The following TRIM24 variants were observed in gnomAD, a reference collection of about 807,000 sequenced individuals.
TRIM24 encodes tripartite motif containing 24, also known as transcription intermediary factor 1-alpha.
Under a neutral mutation model 123.9 loss-of-function variants are expected in TRIM24, and 29 were observed. The observed-to-expected ratio is 0.23, with a 90% CI of 0.17 to 0.32. The LOEUF is 0.32. Ranked by LOEUF, TRIM24 falls within the 10% of genes least tolerant of loss-of-function variation. The probability of loss-of-function intolerance (pLI) is 1.00; values close to 1 mark genes in which losing one functional copy is unlikely to be tolerated. For missense variants in TRIM24, 932 were observed against 1,295.3 expected, an observed-to-expected ratio of 0.72 and a Z score of 4.31; for synonymous variants, 456 against 461.1, an observed-to-expected ratio of 0.99 and a Z score of 0.14.
intron 2 of TRIM24, among the ~76,000 whole-genome samples, chr7:138,505,754 A>G (rs1260309623): frequency 2.0e-5 from 3 of 152,192 alleles, no homozygotes; most frequent in Admixed American, 6.5e-5. Flanking sequence ...TAGAGATCCA[A>G]TGGTGTTTTT....
At chr7:138,536,855 G>C (rs1487834341) in intron 6 of TRIM24, among the ~76,000 whole-genome samples, 1 of 152,216 alleles carries the variant, frequency 6.6e-6, no homozygotes, top group East Asian at 1.9e-4. Context: ...AGCTGCAGCG[G>C]GCTCCACCCA....
intron 12 of TRIM24, 52 bp from the exon 13 acceptor site, chr7:138,576,321 C>G (rs373461686): frequency 9.3e-5 from 141 of 1,512,304 alleles, no homozygotes; most frequent in Admixed American, 5.0e-4. Context: ...AACAGGACTT[C>G]AATGCATAAT....
At chr7:138,584,091 G>A (rs1328180128) in intron 18 of TRIM24, 92 bp downstream of exon 18, 4 of 1,388,676 alleles carry the variant, frequency 2.9e-6, no homozygotes, top group Admixed American at 2.7e-5. Context: ...AGACCAAGAT[G>A]TCTGAGTTAG....
chr7:138,583,038 T>C (rs906584327), intron 17 of TRIM24, among the ~76,000 whole-genome samples: 3 of 152,222 alleles, frequency 2.0e-5, no homozygotes, highest in Non-Finnish European at 2.9e-5. Flanking sequence ...TTAATAAATA[T>C]CATCTCATTT....
chr7:138,465,232 G>A (rs746669205), intron 1 of TRIM24, among the ~76,000 whole-genome samples: 2 of 152,172 alleles, frequency 1.3e-5, no homozygotes, highest in African/African-American at 2.4e-5. Context: ...GAAGGAATGA[G>A]GGTGAATGAC....
rs555544751 is a variant in TRIM24, at chr7:138,554,570, G to A, written c.1262-128G>A. ...CTGTTTGGGGGTTCTCTTTCAGAGTGTTAAAGGGCTCATGAGATCAGAGAA... is the reference window on the plus strand; with the variant it reads ...CTGTTTGGGGGTTCTCTTTCAGAGTATTAAAGGGCTCATGAGATCAGAGAA... On this transcript the variant is annotated intron_variant, in intron 8 of 18. Coordinates refer to ENST00000343526, the MANE Select transcript of TRIM24 (RefSeq NM_015905.3). The surrounding 1 kb of genome is among the most constrained non-coding windows in gnomAD (Gnocchi z 4.5). The A allele has an allele frequency of 1.1e-6, 1 of 937,088 alleles. No homozygotes were observed. The highest frequency in any genetic ancestry group is 2.6e-5 in the Admixed American group (1 of 37,826). 58.0% of individuals were successfully genotyped at this position (937,088 alleles called of 1,614,324 possible).
chr7:138,508,019 T>C (rs962952336), intron 2 of TRIM24, among the ~76,000 whole-genome samples: 2 of 152,166 alleles, frequency 1.3e-5, no homozygotes, highest in African/African-American at 2.4e-5. Context: ...CTGAATATTA[T>C]AGGTTTTTTT....
At position 138,460,442 on chromosome 7, in the gene TRIM24, T is replaced by G; in HGVS notation, c.-107T>G. 2.6e-6 allele frequency: 3 copies of G among 1,158,452 alleles called. No individual in the cohort carries two copies. Among genetic ancestry groups the G allele is most frequent in the Non-Finnish European group, 3.3e-6 (3 of 919,550 alleles). 71.8% of individuals were successfully genotyped at this position (1,158,452 alleles called of 1,614,324 possible). On this transcript the variant is annotated 5_prime_UTR_variant, in exon 1 of 19. Coordinates refer to ENST00000343526, the MANE Select transcript of TRIM24 (RefSeq NM_015905.3). ...CCTCCCTCGCTGGCGCTGCCGCGAG[T>G]CCACCGAGCGGCCTCTGAGGAGCAG...
intron 1 of TRIM24, among the ~76,000 whole-genome samples, chr7:138,472,974 C>T (rs989847881): frequency 6.6e-5 from 10 of 152,082 alleles, no homozygotes; most frequent in African/African-American, 2.2e-4. Flanking sequence ...CAATCCCTTA[C>T]GATGGTTAAT....
At chr7:138,571,056 G>A in intron 11 of TRIM24, 53 bp downstream of exon 11, 2 of 1,571,104 alleles carry the variant, frequency 1.3e-6, no homozygotes, top group Admixed American at 1.7e-5. Context: ...TTGGCCGGGT[G>A]CAGTGGCTCA....
At chr7:138,520,180 G>A (rs1281264002) in intron 4 of TRIM24, among the ~76,000 whole-genome samples, 2 of 152,208 alleles carry the variant, frequency 1.3e-5, no homozygotes, top group Non-Finnish European at 2.9e-5. Flanking sequence ...GGCTCACAGG[G>A]CTGAGAAATC....
chr7:138,497,459 A>G (rs956525041), intron 1 of TRIM24, among the ~76,000 whole-genome samples: 1 of 124,838 alleles, frequency 8.0e-6, no homozygotes, highest in African/African-American at 3.2e-5. Context: ...GGAGGGCAGT[A>G]GCTTGATCTT....
chr7:138,481,828 AAG>A (rs1225696268), intron 1 of TRIM24, among the ~76,000 whole-genome samples: 1 of 152,104 alleles, frequency 6.6e-6, no homozygotes, highest in Non-Finnish European at 1.5e-5. Context: ...AAAAAGAAAA[AAG>A]AAAATATTTT....
intron 6 of TRIM24, among the ~76,000 whole-genome samples, chr7:138,532,420 A>G (rs1260147954): frequency 6.6e-6 from 1 of 152,182 alleles, no homozygotes; most frequent in Non-Finnish European, 1.5e-5. Context: ...ATCCAGTTTC[A>G]GCTTTCTACA....
At chr7:138,571,052 G>A (rs747125309) in intron 11 of TRIM24, 49 bp downstream of exon 11, 14 of 1,579,586 alleles carry the variant, frequency 8.9e-6, no homozygotes, top group Admixed American at 6.7e-5. Context: ...ACTGTTGGCC[G>A]GGTGCAGTGG....
intron 10 of TRIM24, 118 bp downstream of exon 10, chr7:138,567,772 A>T (rs1797566541): frequency 1.9e-6 from 2 of 1,078,196 alleles, no homozygotes; most frequent in Non-Finnish European, 2.5e-6. Context: ...CTTCTTTTTC[A>T]TTTTTTAAAT....
intron 7 of TRIM24, chr7:138,545,588 A>G (rs1797086530): frequency 2.2e-6 from 1 of 453,972 alleles, no homozygotes; most frequent in Non-Finnish European, 4.4e-6. Context: ...AGATCTAGCA[A>G]TAATTATAGA....
intron 2 of TRIM24, 22 bp downstream of exon 2, chr7:138,504,430 C>T (rs749306733): frequency 5.1e-5 from 47 of 920,092 alleles, no homozygotes; most frequent in Non-Finnish European, 6.5e-5. Context: ...ACATCTTGAA[C>T]CTTTTGCCTG....
intron 3 of TRIM24, among the ~76,000 whole-genome samples, chr7:138,518,467 A>G (rs1166779136): frequency 1.3e-5 from 2 of 152,166 alleles, no homozygotes; most frequent in African/African-American, 2.4e-5. Context: ...TGATTTTTTC[A>G]CTTAACATTA....
Sources: gnomAD v4.1 joint callset for allele counts (sites outside exome capture counted in the v4.1 genomes callset) on GRCh38, gnomAD v4.1.1 for gene constraint, Gnocchi (gnomAD v3.1) non-coding constraint, MANE v1.5 for transcripts, NCBI Gene and HGNC (gene_info 2026-07-23, HGNC 2026-07-21) for gene names.